The following GPC5 variants were observed in gnomAD, a reference collection of about 807,000 sequenced individuals.
GPC5 encodes the protein glypican-5.
Under a neutral mutation model 53.9 loss-of-function variants are expected in GPC5, and 47 were observed. The ratio of observed to expected loss-of-function variants is 0.87; its 90% CI spans 0.69 to 1.11. GPC5 has a LOEUF of 1.11. Among genes scored for constraint, GPC5 ranks in the 50% most tolerant of loss-of-function variants. The pLI is 0.00. For missense variants in GPC5, 748 were observed against 713.1 expected, an observed-to-expected ratio of 1.05 and a Z score of -0.56; for synonymous variants, 286 against 263.3, an observed-to-expected ratio of 1.09 and a Z score of -0.84.
At chr13:92,789,265 T>G (rs1259369864) in intron 7 of GPC5, among the ~76,000 whole-genome samples, 2 of 152,148 alleles carry the variant, frequency 1.3e-5, no homozygotes, top group Non-Finnish European at 2.9e-5. Flanking sequence ...GTTGTCTTCA[T>G]GTACACCACA....
At chr13:92,419,253 G>A (rs762240080) in intron 7 of GPC5, among the ~76,000 whole-genome samples, 14 of 152,096 alleles carry the variant, frequency 9.2e-5, no homozygotes, top group Admixed American at 2.0e-4. Flanking sequence ...TCATTAGACC[G>A]CAGCAGCTAC....
intron 2 of GPC5, among the ~76,000 whole-genome samples, chr13:91,579,418 G>A (rs1471837940): frequency 6.6e-6 from 1 of 152,008 alleles, no homozygotes; most frequent in Non-Finnish European, 1.5e-5. Context: ...ACCTGCATCT[G>A]TTCCATGTCT....
At chr13:91,713,022 C>T (rs1193938335) in intron 3 of GPC5, among the ~76,000 whole-genome samples, 2 of 152,074 alleles carry the variant, frequency 1.3e-5, no homozygotes, top group African/African-American at 4.8e-5. Context: ...GAAACCCAGG[C>T]TGTACTAAAA....
chr13:91,557,836 A>G (rs1178827236), intron 2 of GPC5, among the ~76,000 whole-genome samples: 1 of 152,154 alleles, frequency 6.6e-6, no homozygotes, highest in East Asian at 1.9e-4. Context: ...AATACCTTTT[A>G]CATTAGTCCC....
chr13:92,270,205 T>G (rs142785516), intron 7 of GPC5, among the ~76,000 whole-genome samples: 371 of 152,310 alleles, frequency 2.4e-3, no homozygotes, highest in African/African-American at 8.5e-3. Context: ...AAATGGAATG[T>G]AATGGTTCTT....
intron 7 of GPC5, among the ~76,000 whole-genome samples, chr13:92,685,403 T>C (rs1304580650): frequency 6.6e-6 from 1 of 152,122 alleles, no homozygotes; most frequent in East Asian, 1.9e-4. Flanking sequence ...CCAGATCTAA[T>C]ATTTCTTAAT....
chr13:91,839,206 C>A (rs2038756795), intron 5 of GPC5, among the ~76,000 whole-genome samples: 1 of 152,132 alleles, frequency 6.6e-6, no homozygotes, highest in Admixed American at 6.5e-5. Context: ...TCCCACATTA[C>A]AATGCATAGT....
At chr13:91,872,909 T>C (rs1292323487) in intron 5 of GPC5, among the ~76,000 whole-genome samples, 2 of 152,144 alleles carry the variant, frequency 1.3e-5, no homozygotes, top group African/African-American at 4.8e-5. Context: ...TTAATGATGG[T>C]TTTACTTAAA....
chr13:92,259,194 C>G (rs2042747957), intron 7 of GPC5, among the ~76,000 whole-genome samples: 1 of 152,136 alleles, frequency 6.6e-6, no homozygotes, highest in Non-Finnish European at 1.5e-5. Context: ...ACCATTTACA[C>G]TTGTCACTTC....
At chr13:92,255,706 T>C (rs1028528829) in intron 7 of GPC5, among the ~76,000 whole-genome samples, 1 of 152,190 alleles carries the variant, frequency 6.6e-6, no homozygotes, top group Non-Finnish European at 1.5e-5. Context: ...AATATTAGCA[T>C]AGAGATAAAT....
intron 7 of GPC5, among the ~76,000 whole-genome samples, chr13:92,208,339 G>A (rs984079048): frequency 6.6e-6 from 1 of 152,200 alleles, no homozygotes; most frequent in Non-Finnish European, 1.5e-5. Flanking sequence ...CTTTCTCCCA[G>A]ACCTATATGG....
intron 7 of GPC5, among the ~76,000 whole-genome samples, chr13:92,740,188 C>T (rs1889047405): frequency 6.6e-6 from 1 of 151,998 alleles, no homozygotes; most frequent in South Asian, 2.1e-4. Flanking sequence ...TTCAGGTATT[C>T]TGAGCCCACC....
chr13:92,302,982 A>G (rs1279371414), intron 7 of GPC5, among the ~76,000 whole-genome samples: 1 of 152,124 alleles, frequency 6.6e-6, no homozygotes, highest in Non-Finnish European at 1.5e-5. Flanking sequence ...CTTTATTTCT[A>G]TTATCCAAAA....
At chr13:91,851,229 A>G (rs1030681863) in intron 5 of GPC5, among the ~76,000 whole-genome samples, 29 of 152,198 alleles carry the variant, frequency 1.9e-4, no homozygotes, top group Non-Finnish European at 4.3e-4. Context: ...GGTACTGAAT[A>G]CTGTAGGCAA....
chr13:91,558,959 GTTAA>G (rs1041757161), intron 2 of GPC5, among the ~76,000 whole-genome samples: 1 of 151,924 alleles, frequency 6.6e-6, no homozygotes, highest in Non-Finnish European at 1.5e-5. Context: ...CATATTAATA[GTTAA>G]TTTCTTGTTC....
rs147265790 is a variant in GPC5 at position 92,137,122 on chromosome 13, C to T, written c.1402-7708C>T. Among the ~76,000 whole-genome samples, 1,052 of 152,042 alleles carry T rather than the reference C, an allele frequency of 6.9e-3. 11 individuals carry two copies. Among genetic ancestry groups the T allele is most frequent in the African/African-American group, 0.024 (1,002 of 41,454 alleles). On this transcript the variant is annotated intron_variant, in intron 6 of 7. Coordinates refer to ENST00000377067, the MANE Select transcript of GPC5 (RefSeq NM_004466.6). ...TCAGTTTTACGGATGCAGTGTCATGCGCAGAACCCTGTAAATGAGCATAGT... is the reference window on the plus strand; with the variant it reads ...TCAGTTTTACGGATGCAGTGTCATGTGCAGAACCCTGTAAATGAGCATAGT...
chr13:91,967,279 C>T (rs937991873), intron 6 of GPC5, among the ~76,000 whole-genome samples: 1 of 152,124 alleles, frequency 6.6e-6, no homozygotes, highest in Non-Finnish European at 1.5e-5. Flanking sequence ...TGGTTCCCTC[C>T]CACAACACAT....
At chr13:92,075,269 A>C (rs528852209) in intron 6 of GPC5, among the ~76,000 whole-genome samples, 2 of 152,214 alleles carry the variant, frequency 1.3e-5, no homozygotes, top group Non-Finnish European at 2.9e-5. Context: ...TTTATACTGG[A>C]GACACTGTCT....
At chr13:91,750,384 A>G (rs1233993457) in intron 4 of GPC5, among the ~76,000 whole-genome samples, 4 of 152,202 alleles carry the variant, frequency 2.6e-5, no homozygotes, top group Non-Finnish European at 5.9e-5. Flanking sequence ...ACAGTCCCTG[A>G]AGGATAATTA....
Sources: gnomAD v4.1 joint callset for allele counts (sites outside exome capture counted in the v4.1 genomes callset) on GRCh38, gnomAD v4.1.1 for gene constraint, MANE v1.5 for transcripts, NCBI Gene and HGNC (gene_info 2026-07-23, HGNC 2026-07-21) for gene names.